Variants in SUGCT observed in about 807,000 individuals in gnomAD.
The protein encoded by SUGCT is succinyl-CoA:glutarate CoA-transferase.
In SUGCT, 41 loss-of-function variants were observed where a neutral mutation model predicts 55.0. The ratio of observed to expected loss-of-function variants is 0.74; its 90% CI spans 0.58 to 0.97. The LOEUF (loss-of-function observed/expected upper bound fraction) is 0.97, where lower values mean the gene tolerates loss of function less well. Among genes scored for constraint, SUGCT ranks in the 50% least tolerant of loss-of-function variants. The pLI is 0.00. For synonymous variants in SUGCT, 187 were observed against 200.4 expected, an observed-to-expected ratio of 0.93 and a Z score of 0.56; for missense variants, 568 against 547.8, an observed-to-expected ratio of 1.04 and a Z score of -0.37.
chr7:40,745,309 ACTGT>A (rs1364897149), intron 12 of SUGCT, among the ~76,000 whole-genome samples: 2 of 152,042 alleles, frequency 1.3e-5, no homozygotes, highest in African/African-American at 4.8e-5. Context: ...AAATATTTTC[ACTGT>A]CTATGGATTT....
the SUGCT span, among the ~76,000 whole-genome samples, chr7:41,026,253 G>A: frequency 5.3e-5 from 8 of 152,284 alleles, no homozygotes; most frequent in East Asian, 1.4e-3. Flanking sequence ...ACCACCGAAT[G>A]GTGATGGTCC....
intron 12 of SUGCT, among the ~76,000 whole-genome samples, chr7:40,614,414 G>GGT: frequency 1.3e-5 from 2 of 152,278 alleles, no homozygotes; most frequent in Admixed American, 1.3e-4. Context: ...ATCCAATGTA[G>GGT]GTGTCTGTCT....
chr7:40,452,085 G>T (rs1445678912), intron 10 of SUGCT, among the ~76,000 whole-genome samples: 1 of 152,220 alleles, frequency 6.6e-6, no homozygotes, highest in Non-Finnish European at 1.5e-5. Context: ...TATAGTGGTT[G>T]ATTGATAATT....
At chr7:40,730,042 CA>C (rs1335621842) in intron 12 of SUGCT, among the ~76,000 whole-genome samples, 6 of 152,134 alleles carry the variant, frequency 3.9e-5, no homozygotes, top group African/African-American at 1.4e-4. Context: ...ACAGAGGGTC[CA>C]GGGAAGAACA....
intron 9 of SUGCT, among the ~76,000 whole-genome samples, chr7:40,329,549 G>A (rs935877201): frequency 1.3e-5 from 2 of 152,090 alleles, no homozygotes; most frequent in Non-Finnish European, 2.9e-5. Flanking sequence ...CCTCCTTCTC[G>A]CCTGAGGGTG....
At chr7:40,728,433 C>T (rs906585221) in intron 12 of SUGCT, among the ~76,000 whole-genome samples, 1 of 152,040 alleles carries the variant, frequency 6.6e-6, no homozygotes, top group Non-Finnish European at 1.5e-5. Flanking sequence ...GCAGGAGAAT[C>T]ACTTGAACTG....
At chr7:40,494,864 T>C (rs1335360468) in intron 11 of SUGCT, among the ~76,000 whole-genome samples, 5 of 152,176 alleles carry the variant, frequency 3.3e-5, no homozygotes, top group Non-Finnish European at 7.4e-5. Context: ...TTCTCTTACA[T>C]AGCAATCAAT....
At chr7:41,005,279 A>C in the SUGCT span, among the ~76,000 whole-genome samples, 2 of 152,152 alleles carry the variant, frequency 1.3e-5, no homozygotes, top group Non-Finnish European at 2.9e-5. Context: ...TGTTTGATAC[A>C]GACCTATCGA....
At chr7:40,738,801 A>G (rs2128702723) in intron 12 of SUGCT, among the ~76,000 whole-genome samples, 1 of 152,288 alleles carries the variant, frequency 6.6e-6, no homozygotes, top group Non-Finnish European at 1.5e-5. Context: ...CTATAATAAA[A>G]TTTCTCATCA....
chr7:40,904,255 G>C, the SUGCT span, among the ~76,000 whole-genome samples: 67 of 152,258 alleles, frequency 4.4e-4, no homozygotes, highest in East Asian at 0.011. Context: ...AGGACGCCAG[G>C]GAGGCTGTTT....
intron 12 of SUGCT, among the ~76,000 whole-genome samples, chr7:40,526,339 C>G (rs1270090114): frequency 1.3e-5 from 2 of 152,110 alleles, no homozygotes; most frequent in East Asian, 3.8e-4. Context: ...TCAGTTAGCC[C>G]TCAATAGCTG....
chr7:40,535,952 G>C (rs1392945075), intron 12 of SUGCT, among the ~76,000 whole-genome samples: 1 of 152,080 alleles, frequency 6.6e-6, no homozygotes, highest in East Asian at 1.9e-4. Context: ...ATGTTTGTTG[G>C]CCGCTTATAT....
chr7:40,409,841 T>A (rs980714695), intron 9 of SUGCT, among the ~76,000 whole-genome samples: 6 of 152,248 alleles, frequency 3.9e-5, no homozygotes, highest in African/African-American at 1.2e-4. Flanking sequence ...CAGATTTTGA[T>A]TGGCATTGAT....
At chr7:40,244,782 T>C (rs910919833) in intron 7 of SUGCT, among the ~76,000 whole-genome samples, 3 of 152,180 alleles carry the variant, frequency 2.0e-5, no homozygotes, top group African/African-American at 7.2e-5. Context: ...ATCCATAAGA[T>C]ACATAAGTAG....
At chr7:40,950,231 T>A in the SUGCT span, among the ~76,000 whole-genome samples, 2 of 152,142 alleles carry the variant, frequency 1.3e-5, no homozygotes, top group Non-Finnish European at 2.9e-5. Flanking sequence ...GTGAATGGGA[T>A]TTCACTTATG....
intron 9 of SUGCT, among the ~76,000 whole-genome samples, chr7:40,350,621 G>A (rs984265865): frequency 6.6e-6 from 1 of 151,692 alleles, no homozygotes; most frequent in African/African-American, 2.4e-5. Context: ...ATGAGCCACC[G>A]TGCCTGGCCT....
At chr7:40,882,017 C>T in the SUGCT span, among the ~76,000 whole-genome samples, 14 of 152,128 alleles carry the variant, frequency 9.2e-5, no homozygotes, top group African/African-American at 2.4e-5. Context: ...TTTTCTCACA[C>T]CTTTGTTTGC....
chr7:40,961,775 AAGCTGCAGACCTTCACAGTGAGTGTTAC>A, the SUGCT span, among the ~76,000 whole-genome samples: 1 of 151,982 alleles, frequency 6.6e-6, no homozygotes, highest in Non-Finnish European at 1.5e-5. Flanking sequence ...TTCAGGAGCA[AAGCTGCAGACCTTCACAGTGAGTGTTAC>A]AGCTCTTAAA....
chr7:40,340,799 A>C (rs1339713686), intron 9 of SUGCT, among the ~76,000 whole-genome samples: 1 of 152,178 alleles, frequency 6.6e-6, no homozygotes, highest in Non-Finnish European at 1.5e-5. Flanking sequence ...AGAATCAATG[A>C]GACTGCTTGA....
Sources: allele counts gnomAD v4.1 joint callset (sites outside exome capture counted in the v4.1 genomes callset), GRCh38; gene constraint gnomAD v4.1.1; transcripts MANE v1.5; gene names NCBI Gene and HGNC (gene_info 2026-07-23, HGNC 2026-07-21).